Variants in RELN observed in about 807,000 individuals in gnomAD.
RELN encodes the protein reelin.
A neutral mutation model predicts 427.6 loss-of-function variants in RELN; 108 were observed. The observed-to-expected ratio is 0.25, with a 90% CI of 0.22 to 0.30. The LOEUF is 0.30. RELN is among the 10% of genes least tolerant of loss of function. RELN has a pLI of 1.00. For synonymous variants in RELN, 1,524 were observed against 1,513.4 expected (o/e 1.01, Z -0.16); for missense variants, 3,715 against 4,302.8 (o/e 0.86, Z 3.82).
chr7:103,581,986 G>A (rs1003456773), intron 28 of RELN, among the ~76,000 whole-genome samples: 1 of 152,114 alleles, frequency 6.6e-6, no homozygotes, highest in Non-Finnish European at 1.5e-5. Context: ...TTAAATTTTG[G>A]AGAAGTGTGT....
chr7:103,876,485 G>T (rs1794481051), intron 2 of RELN, among the ~76,000 whole-genome samples: 1 of 149,162 alleles, frequency 6.7e-6, no homozygotes, highest in African/African-American at 2.4e-5. Flanking sequence ...AATATATAAA[G>T]CACAAAATAC....
At chr7:103,764,176 G>C (rs1037849157) in intron 4 of RELN, among the ~76,000 whole-genome samples, 2 of 152,178 alleles carry the variant, frequency 1.3e-5, no homozygotes, top group South Asian at 2.1e-4. Context: ...ATAGTAGTGA[G>C]AGCTAACATC....
At chr7:103,541,649 A>G (rs570615507) in intron 43 of RELN, among the ~76,000 whole-genome samples, 4 of 152,354 alleles carry the variant, frequency 2.6e-5, no homozygotes, top group African/African-American at 9.6e-5. Flanking sequence ...ATTTACAGAG[A>G]AATACTTTTA....
At chr7:103,866,129 G>A (rs1006476295) in intron 2 of RELN, among the ~76,000 whole-genome samples, 1 of 152,030 alleles carries the variant, frequency 6.6e-6, no homozygotes, top group Admixed American at 6.6e-5. Context: ...ACAAAAGCAA[G>A]AATTATTATT....
At chr7:103,674,329 T>C (rs896297138) in intron 11 of RELN, among the ~76,000 whole-genome samples, 19 of 152,332 alleles carry the variant, frequency 1.2e-4, no homozygotes, top group African/African-American at 4.3e-4. Context: ...TGTTATACAA[T>C]CTCTGTTGGT....
At chr7:103,763,470 T>C (rs1329078630) in intron 4 of RELN, among the ~76,000 whole-genome samples, 8 of 152,272 alleles carry the variant, frequency 5.3e-5, no homozygotes, top group Non-Finnish European at 1.0e-4. Context: ...ATGCATTACA[T>C]ACAATATGGT....
intron 3 of RELN, among the ~76,000 whole-genome samples, chr7:103,825,193 G>GTT: frequency 6.6e-6 from 1 of 152,010 alleles, no homozygotes; most frequent in East Asian, 1.9e-4. Context: ...CATGCGTAAG[G>GTT]GCACATTTGA....
intron 3 of RELN, among the ~76,000 whole-genome samples, chr7:103,797,030 T>C (rs1792321233): frequency 6.6e-6 from 1 of 152,172 alleles, no homozygotes; most frequent in African/African-American, 2.4e-5. Flanking sequence ...TTAATTGATC[T>C]CTCCGTAAGT....
At chr7:103,703,938 G>C (rs1388158549) in intron 8 of RELN, among the ~76,000 whole-genome samples, 1 of 152,180 alleles carries the variant, frequency 6.6e-6, no homozygotes, top group African/African-American at 2.4e-5. Context: ...GGGTAAAAGT[G>C]ACTAAGGGTT....
chr7:103,635,685 C>T, intron 18 of RELN, 99 bp from the exon 19 acceptor site: 2 of 948,090 alleles, frequency 2.1e-6, no homozygotes, highest in African/African-American at 1.6e-5. Context: ...TTCTACTCAC[C>T]CCTCTTTTAC....
intron 27 of RELN, 77 bp downstream of exon 27, chr7:103,593,605 T>A: frequency 7.8e-7 from 1 of 1,278,358 alleles, no homozygotes; most frequent in Non-Finnish European, 1.1e-6. Context: ...ATTTGTGTTC[T>A]TTGTGAGTTC....
chr7:103,780,375 T>G (rs1791858626), intron 3 of RELN, among the ~76,000 whole-genome samples: 1 of 152,262 alleles, frequency 6.6e-6, no homozygotes. Context: ...TTTATAGGTT[T>G]CAATTAATCT....
At chr7:103,884,019 T>C (rs1166735124) in intron 2 of RELN, among the ~76,000 whole-genome samples, 1 of 152,140 alleles carries the variant, frequency 6.6e-6, no homozygotes, top group Non-Finnish European at 1.5e-5. Flanking sequence ...TGATACTACC[T>C]AACTTCAAAG....
Position 103,685,724 on chromosome 7 carries a change from T to C in RELN, c.1144-3463A>G, listed in dbSNP as rs537974341. On this transcript the variant is annotated intron_variant, in intron 10 of 64. Coordinates refer to ENST00000428762, the MANE Select transcript of RELN (RefSeq NM_005045.4). ...ACCGATTTCTAAAGTCCCTTAAGTA[T>C]GGCTCTTATGTGTTTCTCTTTGTCA... Among the ~76,000 whole-genome samples, 6 of 152,174 alleles carry C rather than the reference T, an allele frequency of 3.9e-5. No homozygotes were observed. In the South Asian group the frequency reaches 1.2e-3, roughly 32 times the overall value.
rs1562857091 is a variant in RELN at position 103,503,226 on chromosome 7, G to A, written c.8279C>T (p.Ser2760Leu). 3 of 1,613,516 alleles carry A rather than the reference G, an allele frequency of 1.9e-6. No homozygotes were observed. The highest frequency in any genetic ancestry group is 2.5e-6 in the Non-Finnish European group (3 of 1,179,470). Residue 2760 changes from serine to leucine, a missense_variant, in exon 52 of 65, where the codon TCA (serine) becomes TTA (leucine). Ser to Leu is a moderately radical substitution (Grantham distance 145). This residue lies in a region of RELN where 1,310 missense variants were observed against 1,643.0 expected (regional missense o/e 0.80). Transcript: ENST00000428762. ...TEGWIMQFKI[S>L]VGCKVSEKIA... The stretch of plus-strand genomic sequence containing the variant: ...TTTTTCAGACACCTTACATCCAACT[G>A]AGATCTAATAAACAGAAAAACAAGA...
chr7:103,739,316 C>T (rs768120207), intron 6 of RELN, among the ~76,000 whole-genome samples: 40 of 152,238 alleles, frequency 2.6e-4, no homozygotes, highest in Admixed American at 2.6e-4. Flanking sequence ...TAATAAAATA[C>T]GACGTATTTG....
intron 61 of RELN, among the ~76,000 whole-genome samples, chr7:103,485,267 C>T (rs897567727): frequency 1.4e-5 from 2 of 144,250 alleles, no homozygotes; most frequent in Non-Finnish European, 3.0e-5. Flanking sequence ...AGATGATAGA[C>T]GCAACTTATA....
At chr7:103,985,390 A>C (rs1180504137) in intron 1 of RELN, among the ~76,000 whole-genome samples, 1 of 152,210 alleles carries the variant, frequency 6.6e-6, no homozygotes, top group East Asian at 1.9e-4. Flanking sequence ...CCATTCAGAA[A>C]TTTAGGTACA....
chr7:103,562,003 C>T (rs1230367484), intron 34 of RELN, 50 bp from the exon 35 acceptor site: 1 of 1,579,376 alleles, frequency 6.3e-7, no homozygotes, highest in Non-Finnish European at 8.6e-7. Flanking sequence ...GACAAGCAAC[C>T]TTGAAAGCAC....
Sources: allele counts gnomAD v4.1 joint callset (sites outside exome capture counted in the v4.1 genomes callset), GRCh38; gene constraint gnomAD v4.1.1; regional missense constraint gnomAD v4.1.1; transcripts MANE v1.5; gene names NCBI Gene and HGNC (gene_info 2026-07-23, HGNC 2026-07-21).